APC: variants seen among roughly 807,000 people sequenced by gnomAD.
APC encodes APC regulator of Wnt signaling pathway.
In APC, 72 loss-of-function variants were observed where a neutral mutation model predicts 247.0. The observed-to-expected ratio is 0.29, with a 90% confidence interval of 0.24 to 0.35. The LOEUF is 0.35. APC is among the 10% of genes least tolerant of loss of function. APC has a pLI of 1.00. For synonymous variants in APC, 1,254 were observed against 1,162.5 expected (o/e 1.08, Z -1.60); for missense variants, 3,400 against 3,360.7 (o/e 1.01, Z -0.29).
intron 1 of APC, among the ~76,000 whole-genome samples, chr5:112,716,979 C>T (rs938627848): frequency 6.6e-6 from 1 of 151,858 alleles, no homozygotes; most frequent in African/African-American, 2.4e-5. Context: ...TACTTGCAGC[C>T]CTTCTCATAT....
chr5:112,759,103 A>G (rs1023174778), intron 2 of APC, among the ~76,000 whole-genome samples: 1 of 152,224 alleles, frequency 6.6e-6, no homozygotes, highest in African/African-American at 2.4e-5. Context: ...AACAATATAC[A>G]TGTAAAGTAT....
chr5:112,833,320 T>C (rs1375814854), intron 14 of APC, among the ~76,000 whole-genome samples: 3 of 151,748 alleles, frequency 2.0e-5, no homozygotes, highest in Non-Finnish European at 4.4e-5. Flanking sequence ...GTAGCTAGGA[T>C]TACAGGTGCC....
At position 112,840,185 on chromosome 5, in the gene APC, A is replaced by G. The variant is rs771096141; in HGVS notation, c.4591A>G (p.Asn1531Asp). ...ELRIMPPVQE[N>D]DNGNETESEQ... ...AAGAATAATGCCTCCAGTTCAGGAAAATGACAATGGGAATGAAACAGAATC... is the reference window on the plus strand; with the variant it reads ...AAGAATAATGCCTCCAGTTCAGGAAGATGACAATGGGAATGAAACAGAATC... Residue 1531 changes from asparagine to aspartate, a missense_variant, in exon 16 of 16, where the codon AAT (asparagine) becomes GAT (aspartate). Asn to Asp is a conservative substitution (Grantham distance 23). Coordinates refer to ENST00000257430, the MANE Select transcript of APC (RefSeq NM_000038.6). The surrounding 1 kb of genome is among the most constrained non-coding windows in gnomAD (Gnocchi z 4.1). The G allele has an allele frequency of 6.2e-7, 1 of 1,614,188 alleles. No homozygotes were observed. The highest frequency in any genetic ancestry group is 8.5e-7 in the Non-Finnish European group (1 of 1,180,020).
chr5:112,772,201 A>C (rs1350740636), intron 4 of APC, among the ~76,000 whole-genome samples: 1 of 152,200 alleles, frequency 6.6e-6, no homozygotes, highest in Admixed American at 6.5e-5. Context: ...TTTAAAGAAG[A>C]CCATTGGCAA....
chr5:112,759,356 C>CTTT (rs887438895), intron 2 of APC, among the ~76,000 whole-genome samples: 47 of 122,348 alleles, frequency 3.8e-4, no homozygotes, highest in Non-Finnish European at 4.9e-4. Flanking sequence ...TTCTTTCTTT[C>CTTT]TTTTTTTTTT....
Position 112,809,753 on chromosome 5 carries a change from G to A in APC, c.835-5742G>A, listed in dbSNP as rs182527162. On this transcript the variant is annotated intron_variant, in intron 8 of 15. Coordinates refer to ENST00000257430, the MANE Select transcript of APC (RefSeq NM_000038.6). Reference sequence around the variant, plus strand: ...CGTGATGGCTCACGCCTGTAATCCAGCACTTTGGGAGGCCGAGATGGGCGG... The same window carrying A: ...CGTGATGGCTCACGCCTGTAATCCAACACTTTGGGAGGCCGAGATGGGCGG... Among the ~76,000 whole-genome samples the A allele has an allele frequency of 4.4e-3, 674 of 152,338 alleles. 3 individuals are homozygous for A. The highest frequency in any genetic ancestry group is 0.017 in the Middle Eastern group (5 of 294).
intron 1 of APC, among the ~76,000 whole-genome samples, chr5:112,743,293 A>G (rs1753255402): frequency 6.6e-6 from 1 of 152,222 alleles, no homozygotes. Context: ...ATCAGCTTCA[A>G]GATCTTTAAC....
At chr5:112,803,308 A>T (rs2464801) in intron 8 of APC, among the ~76,000 whole-genome samples, 9,359 of 152,262 alleles carry the variant, frequency 0.061, 416 homozygotes, top group Middle Eastern at 0.11. Context: ...GTCAAGAGTG[A>T]TCAGACATGT....
chr5:112,729,316 A>C (rs573365170), intron 1 of APC, among the ~76,000 whole-genome samples: 2 of 152,364 alleles, frequency 1.3e-5, no homozygotes, highest in African/African-American at 4.8e-5. Context: ...AGAGCTTTTC[A>C]GATCTCAAAT....
intron 6 of APC, among the ~76,000 whole-genome samples, chr5:112,783,509 C>T (rs1580389280): frequency 6.6e-6 from 1 of 151,408 alleles, no homozygotes; most frequent in East Asian, 1.9e-4. Flanking sequence ...AATGGTCAAC[C>T]ATGCCAGGCA....
chr5:112,819,442 T>G, intron 10 of APC, 98 bp downstream of exon 10: 1 of 1,460,722 alleles, frequency 6.8e-7, no homozygotes, highest in South Asian at 1.2e-5. Context: ...TCTTTATGAC[T>G]AAGAGGAGAA....
In APC at chr5:112,780,841, C is replaced by G. The variant is rs749479682; in HGVS notation, c.583C>G (p.Gln195Glu). 1.9e-6 allele frequency: 3 copies of G among 1,613,384 alleles called. No individual in the cohort carries two copies. The highest frequency in any genetic ancestry group is 1.3e-5 in the African/African-American group (1 of 74,966). ...AAGGCAATTGGAATATGAAGCAAGG[C>G]AAATCAGAGTTGCGATGGAAGAACA... ...TRRQLEYEAR[Q>E]IRVAMEEQLG... The change falls in exon 6 of 16, where the codon CAA (glutamine) becomes GAA (glutamate). Residue 195 changes from glutamine to glutamate, a missense_variant. Gln to Glu is a conservative substitution (Grantham distance 29). Transcript: ENST00000257430.
chr5:112,717,544 A>T (rs1484594618), intron 1 of APC, among the ~76,000 whole-genome samples: 3 of 152,094 alleles, frequency 2.0e-5, no homozygotes, highest in Non-Finnish European at 4.4e-5. Context: ...CTTAAAGGAT[A>T]TTTTTGCTAG....
At chr5:112,818,869 TTAGAGTTA>T in intron 9 of APC, 89 bp from the exon 10 acceptor site, 1 of 1,376,290 alleles carries the variant, frequency 7.3e-7, no homozygotes, top group South Asian at 1.2e-5. Context: ...TTTTGTTTTT[TTAGAGTTA>T]TAGTAAATAT....
rs1766831257 is a variant in APC, at chr5:112,844,632, C to T, written c.*506C>T. 1 of 234,102 alleles carries T rather than the reference C, an allele frequency of 4.3e-6. No homozygotes were observed. The highest frequency in any genetic ancestry group is 2.2e-5 in the African/African-American group (1 of 45,276). 14.5% of individuals were successfully genotyped at this position (234,102 alleles called of 1,614,324 possible). The stretch of plus-strand genomic sequence containing the variant: ...ATGGTTCCCGATGAACAAGTTTACC[C>T]AGCCTGCTTTGCTTTACTGCATGAA... On this transcript the variant is annotated 3_prime_UTR_variant, in exon 16 of 16. Coordinates refer to ENST00000257430, the MANE Select transcript of APC (RefSeq NM_000038.6).
chr5:112,713,146 G>A (rs951480765), intron 1 of APC, among the ~76,000 whole-genome samples: 7 of 150,068 alleles, frequency 4.7e-5, no homozygotes, highest in African/African-American at 1.2e-4. Flanking sequence ...ACTCCAGCCT[G>A]GGTGACAGAG....
intron 1 of APC, among the ~76,000 whole-genome samples, chr5:112,708,692 A>C (rs1440242692): frequency 6.6e-6 from 1 of 152,244 alleles, no homozygotes; most frequent in African/African-American, 2.4e-5. Context: ...ATGTTGTACA[A>C]GCCCTTTGTT....
chr5:112,829,902 C>CA lies in APC; in HGVS notation c.1743+931dup, dbSNP rs1764135670. The CA allele has an allele frequency of 2.0e-5, 3 of 152,098 alleles. No homozygotes were observed. In the South Asian group the frequency reaches 6.2e-4, roughly 32 times the overall value. 9.4% of individuals were successfully genotyped at this position (152,098 alleles called of 1,614,324 possible). A position where few individuals can be genotyped will look rare whatever the true frequency, so the allele number is the denominator to read the frequency against. On this transcript the variant is annotated intron_variant, in intron 14 of 15. Transcript: ENST00000257430. Reference sequence around the variant, plus strand: ...ATTTGTTTACAGAAGGAAATATCTCCAGGCAGTCCATCTGCTTCAGAAACT... The same window carrying CA: ...ATTTGTTTACAGAAGGAAATATCTCCAAGGCAGTCCATCTGCTTCAGAAACT...
chr5:112,729,542 G>A (rs756946532), intron 1 of APC, among the ~76,000 whole-genome samples: 189 of 152,206 alleles, frequency 1.2e-3, no homozygotes, highest in Non-Finnish European at 2.4e-3. Context: ...GGTGAGGAAG[G>A]ACAGGAGAAG....
Sources: allele counts gnomAD v4.1 joint callset (sites outside exome capture counted in the v4.1 genomes callset), GRCh38; gene constraint gnomAD v4.1.1; non-coding constraint Gnocchi (gnomAD v3.1); transcripts MANE v1.5; gene names NCBI Gene and HGNC (gene_info 2026-07-23, HGNC 2026-07-21).